PHACTR3: variants seen among roughly 807,000 people sequenced by gnomAD.
PHACTR3 encodes phosphatase and actin regulator 3.
Under a neutral mutation model 66.8 loss-of-function variants are expected in PHACTR3, and 16 were observed. That is an observed-to-expected ratio of 0.24 (90% CI 0.16 to 0.36). The LOEUF is 0.36. Among genes scored for constraint, PHACTR3 ranks in the 10% least tolerant of loss-of-function variants. The pLI is 1.00. For synonymous variants in PHACTR3, 323 were observed against 292.1 expected (o/e 1.11, Z -1.08); for missense variants, 647 against 719.9 (o/e 0.90, Z 1.16).
chr20:59,699,408 C>A (rs559888941), intron 1 of PHACTR3, among the ~76,000 whole-genome samples: 1 of 152,224 alleles, frequency 6.6e-6, no homozygotes, highest in Non-Finnish European at 1.5e-5. Context: ...CTGGACATAC[C>A]TTTTTATGCT....
At chr20:59,807,515 T>C (rs1326868963) in intron 8 of PHACTR3, among the ~76,000 whole-genome samples, 1 of 152,136 alleles carries the variant, frequency 6.6e-6, no homozygotes, top group African/African-American at 2.4e-5. Context: ...TTTTAATAAG[T>C]AGGAGTACAC....
intron 1 of PHACTR3, among the ~76,000 whole-genome samples, chr20:59,656,800 T>G (rs2035633489): frequency 6.6e-6 from 1 of 151,956 alleles, no homozygotes; most frequent in Admixed American, 6.6e-5. Flanking sequence ...TTTTAAAAAT[T>G]TATTTTCTTA....
chr20:59,749,530 G>A (rs1204200774), intron 3 of PHACTR3, among the ~76,000 whole-genome samples: 1 of 152,188 alleles, frequency 6.6e-6, no homozygotes, highest in East Asian at 1.9e-4. Context: ...GCTGCCGTGG[G>A]AGCCTGGTCT....
rs537827917 is a variant in PHACTR3, at chr20:59,582,823, G to A, written c.109+5206G>A. ...GATCTGATCTGGAACCCGATCCTCC[G>A]CTGGCTGCAAATATTCGTGTCCTGT... is the stretch of plus-strand genomic sequence containing the variant. On this transcript the variant is annotated intron_variant, in intron 1 of 12. Transcript: ENST00000359926. Among the ~76,000 whole-genome samples, 176 of 152,144 alleles carry A rather than the reference G, an allele frequency of 1.2e-3. 2 individuals carry two copies. Among genetic ancestry groups the A allele is most frequent in the Non-Finnish European group, 1.0e-4 (7 of 68,014 alleles).
chr20:59,674,404 C>A (rs2036311325), intron 1 of PHACTR3, among the ~76,000 whole-genome samples: 1 of 149,776 alleles, frequency 6.7e-6, no homozygotes, highest in South Asian at 2.2e-4. Context: ...TCCTCCTTCT[C>A]CTGTTCCTTC....
chr20:59,769,021 C>T (rs1423017090), intron 5 of PHACTR3, among the ~76,000 whole-genome samples: 3 of 152,118 alleles, frequency 2.0e-5, no homozygotes, highest in Admixed American at 1.3e-4. Context: ...AGGGGGCGCC[C>T]CCGCCACCCC....
At chr20:59,785,617 C>A (rs2040878196) in intron 7 of PHACTR3, among the ~76,000 whole-genome samples, 1 of 152,160 alleles carries the variant, frequency 6.6e-6, no homozygotes, top group Non-Finnish European at 1.5e-5. Context: ...CCTGAGTTGA[C>A]TAGAGAGGGG....
At chr20:59,635,195 T>TTTC (rs1568949180) in intron 1 of PHACTR3, among the ~76,000 whole-genome samples, 1 of 11,128 alleles carries the variant, frequency 9.0e-5, no homozygotes, top group Non-Finnish European at 2.0e-4. Flanking sequence ...TCTTTCTTTC[T>TTTC]CTTTCTTTCT....
chr20:59,827,122 G>A (rs935968854), intron 8 of PHACTR3, among the ~76,000 whole-genome samples: 1 of 152,122 alleles, frequency 6.6e-6, no homozygotes, highest in Non-Finnish European at 1.5e-5. Context: ...TTTAGCACCT[G>A]GAAGAGGAGG....
intron 4 of PHACTR3, among the ~76,000 whole-genome samples, chr20:59,756,369 G>A (rs974274576): frequency 1.3e-5 from 2 of 152,192 alleles, no homozygotes; most frequent in African/African-American, 2.4e-5. Context: ...ACAGCCTGCT[G>A]GGCTTCTGCT....
chr20:59,729,236 C>T (rs572385845), intron 1 of PHACTR3, among the ~76,000 whole-genome samples: 31 of 152,136 alleles, frequency 2.0e-4, no homozygotes, highest in African/African-American at 6.7e-4. Flanking sequence ...AGACCTGGGC[C>T]GGGGGAGTCA....
chr20:59,713,731 G>T (rs1313803238), intron 1 of PHACTR3, among the ~76,000 whole-genome samples: 3 of 150,198 alleles, frequency 2.0e-5, no homozygotes, highest in African/African-American at 7.3e-5. Context: ...TCTTGAGCTC[G>T]TTTTTGTCTT....
intron 4 of PHACTR3, among the ~76,000 whole-genome samples, chr20:59,762,982 A>C (rs1285721414): frequency 2.6e-5 from 4 of 152,166 alleles, no homozygotes; most frequent in African/African-American, 9.7e-5. Flanking sequence ...TGGGTCATGG[A>C]ACACTGAACC....
intron 1 of PHACTR3, among the ~76,000 whole-genome samples, chr20:59,713,932 A>G (rs2037998098): frequency 1.3e-5 from 2 of 152,076 alleles, no homozygotes; most frequent in South Asian, 2.1e-4. Flanking sequence ...AGCTTTTTCT[A>G]AACAATTTTA....
At chr20:59,661,772 G>A (rs1011121181) in intron 1 of PHACTR3, among the ~76,000 whole-genome samples, 3 of 151,972 alleles carry the variant, frequency 2.0e-5, no homozygotes, top group Non-Finnish European at 2.9e-5. Flanking sequence ...CCTGCCTCTC[G>A]GTGGGAGTTC....
intron 1 of PHACTR3, among the ~76,000 whole-genome samples, chr20:59,672,163 G>A (rs1004835659): frequency 6.6e-6 from 1 of 152,190 alleles, no homozygotes; most frequent in African/African-American, 2.4e-5. Context: ...ATGGGCAGAG[G>A]CCAGGGATAC....
At chr20:59,669,874 A>G (rs1399851191) in intron 1 of PHACTR3, among the ~76,000 whole-genome samples, 2 of 152,162 alleles carry the variant, frequency 1.3e-5, no homozygotes, top group African/African-American at 4.8e-5. Context: ...CCATTCATCA[A>G]TTGAGGGACG....
intron 8 of PHACTR3, among the ~76,000 whole-genome samples, chr20:59,822,365 G>A (rs568563144): frequency 4.1e-5 from 6 of 147,244 alleles, no homozygotes; most frequent in South Asian, 4.5e-4. Context: ...GGCCTAGGAT[G>A]GGGGGAAGAA....
At chr20:59,806,324 C>T in intron 8 of PHACTR3, 130 bp downstream of exon 8, 3 of 1,212,332 alleles carry the variant, frequency 2.5e-6, no homozygotes, top group Non-Finnish European at 3.4e-6. Flanking sequence ...GTCTCTTGAC[C>T]CCGCCACCGT....
Sources: allele counts gnomAD v4.1 joint callset (sites outside exome capture counted in the v4.1 genomes callset), GRCh38; gene constraint gnomAD v4.1.1; transcripts MANE v1.5; gene names NCBI Gene and HGNC (gene_info 2026-07-23, HGNC 2026-07-21).